Variants in HEMK2 observed in about 807,000 individuals in gnomAD.
HEMK2 encodes methyltransferase HEMK2.
the HEMK2 span, among the ~76,000 whole-genome samples, chr21:28,593,934 T>C: frequency 2.6e-5 from 4 of 152,166 alleles, no homozygotes; most frequent in African/African-American, 9.7e-5. Flanking sequence ...GGAAAAGAGC[T>C]GGGGTAGAGC....
the HEMK2 span, among the ~76,000 whole-genome samples, chr21:28,813,416 G>C: frequency 1.3e-5 from 2 of 151,860 alleles, no homozygotes; most frequent in Non-Finnish European, 2.9e-5. Context: ...CAATGCTCAA[G>C]GAAGTAAGAG....
At chr21:28,785,161 G>C in the HEMK2 span, among the ~76,000 whole-genome samples, 4 of 152,154 alleles carry the variant, frequency 2.6e-5, no homozygotes, top group Non-Finnish European at 4.4e-5. Flanking sequence ...CCAAACATCA[G>C]AAGGAACAAA....
the HEMK2 span, among the ~76,000 whole-genome samples, chr21:28,855,551 C>T: frequency 7.9e-5 from 12 of 152,146 alleles, no homozygotes; most frequent in Non-Finnish European, 4.4e-5. Flanking sequence ...CCTAAAACAA[C>T]AGAATATACA....
At chr21:28,879,928 G>A in the HEMK2 span, 1 of 1,601,746 alleles carries the variant, frequency 6.2e-7, no homozygotes, top group Admixed American at 1.7e-5. Context: ...AACTTTTTCG[G>A]TCAATCTTGG....
the HEMK2 span, among the ~76,000 whole-genome samples, chr21:28,662,389 G>A: frequency 1.3e-5 from 2 of 152,082 alleles, no homozygotes; most frequent in South Asian, 2.1e-4. Flanking sequence ...TTCCCCCTCC[G>A]CTGGCTGAGT....
the HEMK2 span, among the ~76,000 whole-genome samples, chr21:28,835,199 A>G: frequency 6.6e-6 from 1 of 152,156 alleles, no homozygotes; most frequent in East Asian, 1.9e-4. Flanking sequence ...GCACAAAAAC[A>G]GCATTGAACC....
At chr21:28,622,064 G>C in the HEMK2 span, among the ~76,000 whole-genome samples, 4 of 152,032 alleles carry the variant, frequency 2.6e-5, no homozygotes, top group Non-Finnish European at 5.9e-5. Flanking sequence ...TTGAGCCTAT[G>C]TATGTCTTTG....
At chr21:28,630,826 G>A in the HEMK2 span, among the ~76,000 whole-genome samples, 1 of 151,334 alleles carries the variant, frequency 6.6e-6, no homozygotes, top group South Asian at 2.1e-4. Flanking sequence ...TACACCTAAT[G>A]CTAAATGACG....
chr21:28,735,151 T>C, the HEMK2 span, among the ~76,000 whole-genome samples: 16 of 152,158 alleles, frequency 1.1e-4, no homozygotes, highest in African/African-American at 2.2e-4. Context: ...TGGGGCTATG[T>C]TGGTTTTCTG....
At chr21:28,863,674 G>A in the HEMK2 span, among the ~76,000 whole-genome samples, 16 of 151,680 alleles carry the variant, frequency 1.1e-4, no homozygotes, top group East Asian at 2.9e-3. Flanking sequence ...CAGGTTTCTG[G>A]AAGTCCATAA....
the HEMK2 span, among the ~76,000 whole-genome samples, chr21:28,698,510 G>A: frequency 6.6e-6 from 1 of 151,826 alleles, no homozygotes; most frequent in African/African-American, 2.4e-5. Flanking sequence ...CCCCTCAAGC[G>A]GAGAGATTCT....
chr21:28,622,445 C>A, the HEMK2 span, among the ~76,000 whole-genome samples: 1 of 152,168 alleles, frequency 6.6e-6, no homozygotes, highest in Non-Finnish European at 1.5e-5. Context: ...CATCAAGTTA[C>A]CATTGACTTT....
chr21:28,760,130 C>G, the HEMK2 span, among the ~76,000 whole-genome samples: 1 of 152,158 alleles, frequency 6.6e-6, no homozygotes, highest in Non-Finnish European at 1.5e-5. Flanking sequence ...TCTATCTTGA[C>G]TGTGAAGAAG....
the HEMK2 span, among the ~76,000 whole-genome samples, chr21:28,610,773 T>C: frequency 1.3e-5 from 2 of 152,106 alleles, no homozygotes; most frequent in East Asian, 1.9e-4. Context: ...AAACAAACTT[T>C]AAAGCAACAG....
chr21:28,591,689 T>C, the HEMK2 span, among the ~76,000 whole-genome samples: 1 of 152,126 alleles, frequency 6.6e-6, no homozygotes, highest in African/African-American at 2.4e-5. Flanking sequence ...TTTCTGATCC[T>C]CTCCCTTTTC....
chr21:28,691,557 A>G, the HEMK2 span, among the ~76,000 whole-genome samples: 1 of 152,096 alleles, frequency 6.6e-6, no homozygotes, highest in Non-Finnish European at 1.5e-5. Context: ...TTGATCTTAT[A>G]CATATACTGC....
At chr21:28,855,085 A>T in the HEMK2 span, among the ~76,000 whole-genome samples, 1 of 152,218 alleles carries the variant, frequency 6.6e-6, no homozygotes, top group African/African-American at 2.4e-5. Context: ...TGAATAAAGA[A>T]GCAGACCCAA....
At chr21:28,592,142 G>A in the HEMK2 span, among the ~76,000 whole-genome samples, 1 of 152,116 alleles carries the variant, frequency 6.6e-6, no homozygotes, top group South Asian at 2.1e-4. Context: ...TTCCACAAAG[G>A]CTGAACTAAT....
At chr21:28,687,469 A>T in the HEMK2 span, among the ~76,000 whole-genome samples, 2 of 152,180 alleles carry the variant, frequency 1.3e-5, no homozygotes, top group Non-Finnish European at 2.9e-5. Context: ...ACATTTTTAT[A>T]TCATTTATTT....
Sources: gnomAD v4.1 joint callset for allele counts (sites outside exome capture counted in the v4.1 genomes callset) on GRCh38, gnomAD v4.1.1 for gene constraint, MANE v1.5 for transcripts, NCBI Gene and HGNC (gene_info 2026-07-23, HGNC 2026-07-21) for gene names.